The following BTBD2 variants were observed in gnomAD, a reference collection of about 807,000 sequenced individuals.
BTBD2 encodes BTB/POZ domain-containing protein 2.
BTBD2 carries 15 observed loss-of-function variants against 44.0 expected under a neutral mutation model. That is an observed-to-expected ratio of 0.34 (90% CI 0.23 to 0.53). The LOEUF (loss-of-function observed/expected upper bound fraction) is 0.53, where lower values mean the gene tolerates loss of function less well. BTBD2 is among the 20% of genes least tolerant of loss of function. The pLI, the probability that BTBD2 is intolerant of heterozygous loss-of-function variation, is 0.95. For synonymous variants in BTBD2, 443 were observed against 335.9 expected (o/e 1.32, Z -3.49); for missense variants, 657 against 746.4 (o/e 0.88, Z 1.39).
chr19:1,990,391 C>T (rs907421962), intron 4 of BTBD2, 190 bp from the exon 5 acceptor site: 8 of 667,774 alleles, frequency 1.2e-5, no homozygotes, highest in Middle Eastern at 4.1e-4. Context: ...CTTCATTTTC[C>T]TCGGCTGTGG....
chr19:2,015,290 C>T lies in BTBD2; in HGVS notation c.407+7G>A, dbSNP rs1438412408. 2.6e-6 allele frequency: 4 copies of T among 1,544,202 alleles called. No individual in the cohort carries two copies. The highest frequency in any genetic ancestry group is 2.4e-5 in the East Asian group (1 of 41,532). On this transcript the variant is annotated splice_region_variant and intron_variant, in intron 1 of 8. Transcript: ENST00000255608. ...GGGGCCAGGGCTGGCGGGGTCGGGG[C>T]GCCCACCTGTGCGCGGGGATGCGCT...
At chr19:2,005,644 C>T (rs1042530960) in intron 1 of BTBD2, among the ~76,000 whole-genome samples, 4 of 151,870 alleles carry the variant, frequency 2.6e-5, no homozygotes, top group East Asian at 1.9e-4. Context: ...TAGTCAGGTG[C>T]AGTGGCCGGA....
intron 2 of BTBD2, among the ~76,000 whole-genome samples, chr19:1,995,811 A>G (rs2016243912): frequency 6.6e-6 from 1 of 150,758 alleles, no homozygotes; most frequent in Non-Finnish European, 1.5e-5. Context: ...TAATTTTCTT[A>G]TTTTTTATTT....
intron 2 of BTBD2, among the ~76,000 whole-genome samples, 196 bp downstream of exon 2, chr19:1,997,148 C>G (rs2016261669): frequency 6.6e-6 from 1 of 151,994 alleles, no homozygotes; most frequent in Non-Finnish European, 1.5e-5. Flanking sequence ...GCACTGCACT[C>G]CAGCCTGGGC....
chr19:2,010,167 G>GT (rs1426442159), intron 1 of BTBD2, among the ~76,000 whole-genome samples: 1 of 152,148 alleles, frequency 6.6e-6, no homozygotes, highest in African/African-American at 2.4e-5. Flanking sequence ...AAAGAAAAAG[G>GT]TATTTTAGAT....
chr19:1,996,864 C>G (rs929891486), intron 2 of BTBD2, among the ~76,000 whole-genome samples: 1 of 144,152 alleles, frequency 6.9e-6, no homozygotes, highest in African/African-American at 2.6e-5. Context: ...AGAGCAAGAC[C>G]ACGTCTAAAA....
At chr19:1,997,826 A>G (rs765259305) in intron 1 of BTBD2, among the ~76,000 whole-genome samples, 1 of 152,222 alleles carries the variant, frequency 6.6e-6, no homozygotes, top group Non-Finnish European at 1.5e-5. Context: ...ATGCATTCAC[A>G]CATACGTTCA....
At chr19:1,991,097 G>T in intron 3 of BTBD2, 2 of 375,464 alleles carry the variant, frequency 5.3e-6, no homozygotes, top group Non-Finnish European at 9.9e-6. Flanking sequence ...CCTGTCGGCA[G>T]GGCCTGCTGC....
intron 3 of BTBD2, among the ~76,000 whole-genome samples, chr19:1,991,721 C>T (rs2016181369): frequency 6.6e-6 from 1 of 152,170 alleles, no homozygotes; most frequent in Admixed American, 6.5e-5. Flanking sequence ...CCTCCACCCC[C>T]GACCAGGAGC....
chr19:1,988,527 C>G (rs1426196846), intron 5 of BTBD2: 1 of 151,296 alleles, frequency 6.6e-6, no homozygotes, highest in African/African-American at 2.5e-5. Context: ...TTAAGTGAAT[C>G]AGGAAGACTG....
intron 1 of BTBD2, among the ~76,000 whole-genome samples, chr19:2,009,749 C>T (rs898325114): frequency 6.6e-6 from 1 of 152,226 alleles, no homozygotes; most frequent in East Asian, 1.9e-4. Context: ...ACTCAGAAGG[C>T]TGAGACAGGA....
At chr19:2,012,509 C>G (rs1483736403) in intron 1 of BTBD2, among the ~76,000 whole-genome samples, 1 of 152,210 alleles carries the variant, frequency 6.6e-6, no homozygotes, top group African/African-American at 2.4e-5. Flanking sequence ...GAACAGGAGG[C>G]TGGTGTGCAT....
intron 1 of BTBD2, among the ~76,000 whole-genome samples, chr19:2,002,325 C>G (rs923019433): frequency 3.8e-4 from 58 of 152,238 alleles, no homozygotes; most frequent in African/African-American, 1.3e-3. Flanking sequence ...AAGCGATCCT[C>G]CCAGTTCAGC....
chr19:1,995,232 G>C (rs1384223636), intron 2 of BTBD2, among the ~76,000 whole-genome samples: 1 of 149,770 alleles, frequency 6.7e-6, no homozygotes, highest in Non-Finnish European at 1.5e-5. Context: ...CTCCCAAAGT[G>C]CTGGGATTAC....
In BTBD2 at chr19:1,995,277, TTC is replaced by T. The variant is rs1491006725; in HGVS notation, c.527+2065_527+2066del. Among the ~76,000 whole-genome samples the T allele has an allele frequency of 1.2e-3, 92 of 77,916 alleles. 3 individuals carry two copies. The highest frequency in any genetic ancestry group is 7.7e-3 in the African/African-American group (85 of 11,064). The allele number at this position is 77,916 out of a possible 152,430, so 51.1% of individuals were successfully genotyped here. On this transcript the variant is annotated intron_variant, in intron 2 of 8. Transcript: ENST00000255608. ...CCACCGCGCCTAGCCATACTTTGGA[TTC>T]TTTTTTTTTTTTTTTTTTTTGAGAG...
At chr19:1,992,080 C>G (rs2016187733) in intron 3 of BTBD2, 1 of 147,156 alleles carries the variant, frequency 6.8e-6, no homozygotes, top group Non-Finnish European at 1.5e-5. Context: ...GAAACCCCGT[C>G]TCAAAAAAAA....
intron 1 of BTBD2, among the ~76,000 whole-genome samples, chr19:1,997,932 A>G (rs1301920388): frequency 6.6e-6 from 1 of 152,174 alleles, no homozygotes; most frequent in Non-Finnish European, 1.5e-5. Context: ...ACTAATTTCC[A>G]TGTACATTCA....
At position 1,986,198 on chromosome 19, in the gene BTBD2, C is replaced by T. The variant is rs142306089; in HGVS notation, c.*290G>A. 11 of 419,858 alleles carry T rather than the reference C, an allele frequency of 2.6e-5. No individual in the cohort carries two copies. Among genetic ancestry groups the T allele is most frequent in the East Asian group, 2.4e-4 (6 of 24,798 alleles). 26.0% of individuals were successfully genotyped at this position (419,858 alleles called of 1,614,324 possible). On this transcript the variant is annotated 3_prime_UTR_variant, in exon 9 of 9. Transcript: ENST00000255608. The stretch of plus-strand genomic sequence containing the variant: ...GGGCAGGCGCCCTGAGCTGCGGGTC[C>T]GTGGGCCCTGGCCCAGGCCGGCACA...
At position 1,985,685 on chromosome 19, in the gene BTBD2, CCCGGTCGGGG is replaced by C. The variant is rs2016068022; in HGVS notation, c.*793_*802del. The C allele has an allele frequency of 6.6e-6, 1 of 152,388 alleles. No homozygotes were observed. Among genetic ancestry groups the C allele is most frequent in the Non-Finnish European group, 1.5e-5 (1 of 68,184 alleles). 9.4% of individuals were successfully genotyped at this position (152,388 alleles called of 1,614,324 possible). On this transcript the variant is annotated 3_prime_UTR_variant, in exon 9 of 9. Coordinates refer to ENST00000255608, the MANE Select transcript of BTBD2 (RefSeq NM_017797.4). ...TGTACAGGCGAGCAGTGCTCCTGGA[CCCGGTCGGGG>C]CCGGCTGGGGCCCCATTCTGCGGCA...
Sources: allele counts gnomAD v4.1 joint callset (sites outside exome capture counted in the v4.1 genomes callset), GRCh38; gene constraint gnomAD v4.1.1; transcripts MANE v1.5; gene names NCBI Gene and HGNC (gene_info 2026-07-23, HGNC 2026-07-21).